The following CDC73 variants were observed in gnomAD, a reference collection of about 807,000 sequenced individuals.
CDC73 encodes parafibromin.
Under a neutral mutation model 83.7 loss-of-function variants are expected in CDC73, and 21 were observed. That is an observed-to-expected ratio of 0.25 (90% CI 0.18 to 0.36). CDC73 has a LOEUF of 0.36. CDC73 is among the 10% of genes least tolerant of loss of function. CDC73 has a pLI of 1.00. For synonymous variants in CDC73, 224 were observed against 212.9 expected (o/e 1.05, Z -0.45); for missense variants, 342 against 653.3 (o/e 0.52, Z 5.19).
intron 7 of CDC73, among the ~76,000 whole-genome samples, chr1:193,143,606 G>T (rs1675944162): frequency 6.6e-6 from 1 of 152,000 alleles, no homozygotes; most frequent in South Asian, 2.1e-4. Context: ...GCTTGCCTGA[G>T]TATTATTAGT....
intron 1 of CDC73, among the ~76,000 whole-genome samples, chr1:193,122,772 T>A (rs1675484304): frequency 6.6e-6 from 1 of 152,132 alleles, no homozygotes; most frequent in Non-Finnish European, 1.5e-5. Flanking sequence ...TTGCAACTCC[T>A]GGTTTATTTC....
At position 193,219,976 on chromosome 1, in the gene CDC73, G is replaced by A. The variant is rs952657305; in HGVS notation, c.1154+7499G>A. Among the ~76,000 whole-genome samples the A allele has an allele frequency of 2.0e-5, 3 of 152,100 alleles. 1 individual carries two copies. The highest frequency in any genetic ancestry group is 2.0e-4 in the Admixed American group (3 of 15,260). On this transcript the variant is annotated intron_variant, in intron 13 of 16. Coordinates refer to ENST00000367435, the MANE Select transcript of CDC73 (RefSeq NM_024529.5). The stretch of plus-strand genomic sequence containing the variant: ...GAACAAAGCAAAGTCTTCTACAAGA[G>A]TCAAGGCCTAAGTCAGTGTTAGAAT...
chr1:193,249,797 A>G lies in CDC73; in HGVS notation c.1485A>G (p.Thr495=), dbSNP rs2102073429. ...CAAATGTTCAGAAATGGGATGTAAC[A>G]GTATTAGAACTCAGCTATCACAAAC... is the stretch of plus-strand genomic sequence containing the variant. The part of the protein sequence containing the change: ...LDPNVQKWDV[T]VLELSYHKRH... Residue 495 remains threonine, a synonymous_variant, in exon 16 of 17, where the codon ACA becomes ACG. Transcript: ENST00000367435. 1 of 1,611,748 alleles carries G rather than the reference A, an allele frequency of 6.2e-7. No individual in the cohort carries two copies. The highest frequency in any genetic ancestry group is 8.5e-7 in the Non-Finnish European group (1 of 1,178,060).
chr1:193,168,374 G>A (rs935359876), intron 10 of CDC73, among the ~76,000 whole-genome samples: 7 of 152,106 alleles, frequency 4.6e-5, no homozygotes, highest in African/African-American at 1.7e-4. Context: ...ATAGGAGGGA[G>A]GACAAACAAA....
rs1250854279 is a variant in CDC73 at position 193,150,732 on chromosome 1, T to C, written c.907+350T>C. 2.0e-5 allele frequency among the ~76,000 whole-genome samples: 3 copies of C among 152,308 alleles called. No homozygotes were observed. In the South Asian group the frequency reaches 6.2e-4, roughly 32 times the overall value. On this transcript the variant is annotated intron_variant, in intron 9 of 16. Transcript: ENST00000367435. ...TCCAGATAGCTTATGTCGTAGTAACTTTTTGTGTGAATTTTAATGTTACTT... is the reference window on the plus strand; with the variant it reads ...TCCAGATAGCTTATGTCGTAGTAACCTTTTGTGTGAATTTTAATGTTACTT...
intron 11 of CDC73, among the ~76,000 whole-genome samples, chr1:193,205,848 G>A (rs1014455186): frequency 1.3e-5 from 2 of 152,110 alleles, no homozygotes; most frequent in African/African-American, 4.8e-5. Flanking sequence ...ATGGGGTTGG[G>A]CCCAAAGAAT....
Position 193,251,384 on chromosome 1 carries a change from T to G in CDC73, c.*672T>G, listed in dbSNP as rs1028062647. ...GAATGATGTGTTTCTATCTGTAATA[T>G]CTTTCCATTTGAAAAAAATCTCAAA... On this transcript the variant is annotated 3_prime_UTR_variant, in exon 17 of 17. Coordinates refer to ENST00000367435, the MANE Select transcript of CDC73 (RefSeq NM_024529.5). 4.3e-6 allele frequency: 1 copy of G among 231,962 alleles called. No individual in the cohort carries two copies. The highest frequency in any genetic ancestry group is 8.5e-6 in the Non-Finnish European group (1 of 116,984). The allele number at this position is 231,962 out of a possible 1,614,324, so 14.4% of individuals were successfully genotyped here. A position where few individuals can be genotyped will look rare whatever the true frequency, so the allele number is the denominator to read the frequency against.
At chr1:193,140,901 T>C (rs1675895208) in intron 6 of CDC73, among the ~76,000 whole-genome samples, 1 of 152,256 alleles carries the variant, frequency 6.6e-6, no homozygotes. Context: ...TAAGGTATGC[T>C]GGTGTGCTTT....
chr1:193,139,095 T>A (rs1281170285), intron 6 of CDC73, among the ~76,000 whole-genome samples: 1 of 152,176 alleles, frequency 6.6e-6, no homozygotes, highest in African/African-American at 2.4e-5. Flanking sequence ...TTTTTTTCTT[T>A]GACAGTTCAC....
intron 10 of CDC73, among the ~76,000 whole-genome samples, chr1:193,194,860 C>G (rs1412194750): frequency 1.3e-5 from 2 of 151,878 alleles, no homozygotes; most frequent in African/African-American, 4.8e-5. Flanking sequence ...TCTGGGTTCT[C>G]TAGAGAAATG....
At chr1:193,238,763 G>A (rs536043611) in intron 15 of CDC73, among the ~76,000 whole-genome samples, 1 of 152,254 alleles carries the variant, frequency 6.6e-6, no homozygotes, top group African/African-American at 2.4e-5. Flanking sequence ...AAAAGAAAAC[G>A]TTAAGAAAAT....
intron 7 of CDC73, 36 bp downstream of exon 7, chr1:193,142,102 A>T: frequency 1.3e-5 from 15 of 1,160,754 alleles, no homozygotes; most frequent in Admixed American, 2.0e-5. Flanking sequence ...TTGGAGTGAG[A>T]GAGAGAGAGA....
chr1:193,187,185 T>A (rs1676829055), intron 10 of CDC73, among the ~76,000 whole-genome samples: 2 of 146,222 alleles, frequency 1.4e-5, no homozygotes, highest in Non-Finnish European at 3.0e-5. Context: ...AGCCCACTTC[T>A]TTTTTGCTCT....
chr1:193,151,998 G>C (rs2103133342), intron 9 of CDC73, among the ~76,000 whole-genome samples: 1 of 152,200 alleles, frequency 6.6e-6, no homozygotes, highest in East Asian at 1.9e-4. Context: ...CTGAAACTTT[G>C]GAACACTACT....
intron 10 of CDC73, among the ~76,000 whole-genome samples, chr1:193,193,512 C>T (rs533881002): frequency 6.6e-6 from 1 of 152,098 alleles, no homozygotes; most frequent in African/African-American, 2.4e-5. Flanking sequence ...TCATGCATTT[C>T]CTGTATTTTC....
Position 193,192,582 on chromosome 1 carries a change from C to T in CDC73, c.973-11213C>T, listed in dbSNP as rs374722952. ...ATCTTCAGTATGATTGGTTATGGCCCGATTAGAAATAGGGACTTCAGTGTA... is the reference window on the plus strand; with the variant it reads ...ATCTTCAGTATGATTGGTTATGGCCTGATTAGAAATAGGGACTTCAGTGTA... On this transcript the variant is annotated intron_variant, in intron 10 of 16. Transcript: ENST00000367435. Among the ~76,000 whole-genome samples, 26 of 152,178 alleles carry T rather than the reference C, an allele frequency of 1.7e-4. 1 individual carries two copies. Among genetic ancestry groups the T allele is most frequent in the African/African-American group, 2.4e-4 (10 of 41,520 alleles).
chr1:193,138,826 G>A (rs954352223), intron 6 of CDC73, among the ~76,000 whole-genome samples: 8 of 142,138 alleles, frequency 5.6e-5, no homozygotes, highest in African/African-American at 1.8e-4. Flanking sequence ...CCAGGCTAGA[G>A]TGCAGTGGTG....
rs965169255 is a variant in CDC73 at position 193,135,373 on chromosome 1, A to C, written c.308-18A>C. The C allele has an allele frequency of 1.2e-6, 2 of 1,602,462 alleles. No individual in the cohort carries two copies. The highest frequency in any genetic ancestry group is 1.7e-6 in the Non-Finnish European group (2 of 1,169,502). ...TGTTGAAATAGTAATCCTTACGTGAATCTTTTTATGTCTTCAGCAACATCG... is the reference window on the plus strand; with the variant it reads ...TGTTGAAATAGTAATCCTTACGTGACTCTTTTTATGTCTTCAGCAACATCG... On this transcript the variant is annotated intron_variant, in intron 3 of 16. Coordinates refer to ENST00000367435, the MANE Select transcript of CDC73 (RefSeq NM_024529.5).
At chr1:193,145,305 C>G (rs1675977422) in intron 7 of CDC73, among the ~76,000 whole-genome samples, 1 of 152,128 alleles carries the variant, frequency 6.6e-6, no homozygotes. Context: ...TCAAAGAAGA[C>G]TATCCACAGT....
Sources: gnomAD v4.1 joint callset for allele counts (sites outside exome capture counted in the v4.1 genomes callset) on GRCh38, gnomAD v4.1.1 for gene constraint, MANE v1.5 for transcripts, NCBI Gene and HGNC (gene_info 2026-07-23, HGNC 2026-07-21) for gene names.